TPI1: variants seen among roughly 807,000 people sequenced by gnomAD.
The protein encoded by TPI1 is triosephosphate isomerase.
TPI1 carries 11 observed loss-of-function variants against 31.0 expected under a neutral mutation model. The observed-to-expected ratio is 0.36, with a 90% confidence interval of 0.22 to 0.59. TPI1 has a LOEUF of 0.59. Among genes scored for constraint, TPI1 ranks in the 20% least tolerant of loss-of-function variants. The pLI, the probability that TPI1 is intolerant of heterozygous loss-of-function variation, is 0.79. For missense variants in TPI1, 245 were observed against 319.7 expected (o/e 0.77, Z 1.78); for synonymous variants, 121 against 122.8 (o/e 0.99, Z 0.10).
rs782093302 is a variant in TPI1 at position 6,868,369 on chromosome 12, C to T, written c.116-495C>T. On this transcript the variant is annotated intron_variant, in intron 1 of 6. Coordinates refer to ENST00000396705, the MANE Select transcript of TPI1 (RefSeq NM_000365.6). ...AAGGATGCTCTCCTCCATCCTCCTT[C>T]CTCCCTCCACCGAAATCGGAGAGCC... 19 of 1,288,064 alleles carry T rather than the reference C, an allele frequency of 1.5e-5. No homozygotes were observed. In the African/African-American group the frequency reaches 1.8e-4, roughly 12 times the overall value. The allele number at this position is 1,288,064 out of a possible 1,614,324, so 79.8% of individuals were successfully genotyped here.
Position 6,869,258 on chromosome 12 carries a change from C to CTG in TPI1, c.326_327dup (p.Ile110Ter), listed in dbSNP as rs782707197. ...TCTCACCAAGTCTGTTTCTCAACAG[C>CTG]TGATTGGGCAGAAAGTGGCCCATGC... On this transcript the variant is annotated frameshift_variant and splice_region_variant, in exon 4 of 7. Coordinates refer to ENST00000396705, the MANE Select transcript of TPI1 (RefSeq NM_000365.6). LOFTEE classifies it high-confidence loss of function. 6 of 1,614,096 alleles carry CTG rather than the reference C, an allele frequency of 3.7e-6. No homozygotes were observed. The highest frequency in any genetic ancestry group is 5.1e-6 in the Non-Finnish European group (6 of 1,179,958).
In TPI1 at chr12:6,870,696, C is replaced by A; in HGVS notation, c.*313C>A. 1.7e-6 allele frequency: 1 copy of A among 584,670 alleles called. No homozygotes were observed. Among genetic ancestry groups the A allele is most frequent in the South Asian group, 1.4e-5 (1 of 71,480 alleles). 36.2% of individuals were successfully genotyped at this position (584,670 alleles called of 1,614,324 possible). A position where few individuals can be genotyped will look rare whatever the true frequency, so the allele number is the denominator to read the frequency against. On this transcript the variant is annotated 3_prime_UTR_variant, in exon 7 of 7. Transcript: ENST00000396705. The stretch of plus-strand genomic sequence containing the variant: ...GGCCCTAGTGAGGGCAGAAGAGAAA[C>A]CATCCTCTCCCTTCTTACACCGTGA...
chr12:6,867,812 G>A, intron 1 of TPI1, 131 bp downstream of exon 1: 3 of 1,025,056 alleles, frequency 2.9e-6, no homozygotes, highest in South Asian at 1.9e-5. Flanking sequence ...GCTGTGGGAC[G>A]AGGGCCGCTG....
intron 3 of TPI1, 22 bp from the exon 4 acceptor site, chr12:6,869,236 C>G: frequency 2.5e-6 from 4 of 1,614,126 alleles, no homozygotes; most frequent in Non-Finnish European, 3.4e-6. Flanking sequence ...AAGGATGTCT[C>G]ACCAAGTCTG....
At position 6,869,239 on chromosome 12, in the gene TPI1, C is replaced by T. The variant is rs1461419389; in HGVS notation, c.325-19C>T. 2.5e-6 allele frequency: 4 copies of T among 1,613,968 alleles called. No homozygotes were observed. The highest frequency in any genetic ancestry group is 3.4e-6 in the Non-Finnish European group (4 of 1,179,984). The stretch of plus-strand genomic sequence containing the variant: ...TCTTTTTCCAAGAAGGATGTCTCAC[C>T]AAGTCTGTTTCTCAACAGCTGATTG... On this transcript the variant is annotated intron_variant, in intron 3 of 6. Transcript: ENST00000396705.
At chr12:6,868,087 G>A in intron 1 of TPI1, 1 of 1,237,228 alleles carries the variant, frequency 8.1e-7, no homozygotes, top group Non-Finnish European at 1.0e-6. Flanking sequence ...GTGCGCCGCC[G>A]CACGTAGCCC....
chr12:6,868,321 TAGGTCTC>T, intron 1 of TPI1: 1 of 1,287,608 alleles, frequency 7.8e-7, no homozygotes, highest in Middle Eastern at 3.3e-4. Context: ...CTGAGTCAGT[TAGGTCTC>T]TGCCACCCAC....
In TPI1 at chr12:6,870,439, G is replaced by C. The variant is rs782727122; in HGVS notation, c.*56G>C. 4 of 1,339,456 alleles carry C rather than the reference G, an allele frequency of 3.0e-6. No individual in the cohort carries two copies. In the South Asian group the frequency reaches 4.7e-5, roughly 16 times the overall value. 83.0% of individuals were successfully genotyped at this position (1,339,456 alleles called of 1,614,324 possible). A position where few individuals can be genotyped will look rare whatever the true frequency, so the allele number is the denominator to read the frequency against. On this transcript the variant is annotated 3_prime_UTR_variant, in exon 7 of 7. Transcript: ENST00000396705. ...AAGCCAGGGACTAAGCAGCCCAGAAGCCCAGTAACTGCCCTTTCCCTGCAT... is the reference window on the plus strand; with the variant it reads ...AAGCCAGGGACTAAGCAGCCCAGAACCCCAGTAACTGCCCTTTCCCTGCAT...
chr12:6,869,979 C>A, intron 5 of TPI1, 70 bp from the exon 6 acceptor site: 1 of 1,544,742 alleles, frequency 6.5e-7, no homozygotes, highest in Non-Finnish European at 9.0e-7. Context: ...ACTAAGTGTC[C>A]ACTGGTGCCA....
At position 6,870,035 on chromosome 12, in the gene TPI1, G is replaced by C; in HGVS notation, c.544-14G>C. On this transcript the variant is annotated splice_polypyrimidine_tract_variant and intron_variant, in intron 5 of 6. Transcript: ENST00000396705. The stretch of plus-strand genomic sequence containing the variant: ...GGCAGAAAAGGTCTTACTTAGGCCA[G>C]CTTCTTGTTCTAGGCCCAGGAAGTA... The C allele has an allele frequency of 6.2e-7, 1 of 1,613,012 alleles. No homozygotes were observed. Among genetic ancestry groups the C allele is most frequent in the Non-Finnish European group, 8.5e-7 (1 of 1,178,884 alleles).
intron 4 of TPI1, 119 bp downstream of exon 4, chr12:6,869,509 G>C: frequency 6.5e-7 from 1 of 1,545,336 alleles, no homozygotes; most frequent in Non-Finnish European, 8.9e-7. Context: ...AAAAGGGGAG[G>C]GGGAGTGACA....
At position 6,870,463 on chromosome 12, in the gene TPI1, A is replaced by G; in HGVS notation, c.*80A>G. ...AGCCCAGTAACTGCCCTTTCCCTGC[A>G]TATGCTTCTGATGGTGTCATCTGCT... On this transcript the variant is annotated 3_prime_UTR_variant, in exon 7 of 7. Transcript: ENST00000396705. 4 of 1,061,630 alleles carry G rather than the reference A, an allele frequency of 3.8e-6. No individual in the cohort carries two copies. Among genetic ancestry groups the G allele is most frequent in the African/African-American group, 1.6e-5 (1 of 64,290 alleles). 65.8% of individuals were successfully genotyped at this position (1,061,630 alleles called of 1,614,324 possible).
rs1277809153 is a variant in TPI1, at chr12:6,870,938, CT to C, written c.*556del. 95 of 656,900 alleles carry C rather than the reference CT, an allele frequency of 1.4e-4. No homozygotes were observed. Among genetic ancestry groups the C allele is most frequent in the Non-Finnish European group, 2.5e-4 (91 of 361,474 alleles). The allele number at this position is 656,900 out of a possible 1,614,324, so 40.7% of individuals were successfully genotyped here. The stretch of plus-strand genomic sequence containing the variant: ...AAAAAAAAAAAACAAGAACAGGTTT[CT>C]ATAACAACATCTCTTACTATTTTTA... On this transcript the variant is annotated 3_prime_UTR_variant, in exon 7 of 7. Coordinates refer to ENST00000396705, the MANE Select transcript of TPI1 (RefSeq NM_000365.6).
chr12:6,869,842 A>G lies in TPI1; in HGVS notation c.543+69A>G, dbSNP rs2071068. On this transcript the variant is annotated intron_variant, in intron 5 of 6. Coordinates refer to ENST00000396705, the MANE Select transcript of TPI1 (RefSeq NM_000365.6). ...ATAGGTTTGGACAGACACAGCCCAC[A>G]TGGGGCAACCCCTTATTTCAAAGAC... is the stretch of plus-strand genomic sequence containing the variant. 11,402 of 1,556,772 alleles carry G rather than the reference A, an allele frequency of 7.3e-3. 1,162 individuals carry two copies. In the East Asian group the frequency reaches 0.22, roughly 30 times the overall value.
In TPI1 at chr12:6,868,160, G is replaced by GT. The variant is rs1555131795; in HGVS notation, c.115+479_115+480insT. The stretch of plus-strand genomic sequence containing the variant: ...GCGCCGAGCTGCTCGGGCTCCCTGA[G>GT]CCCCAGATCTGACCCCTTCCCTTCG... On this transcript the variant is annotated intron_variant, in intron 1 of 6. Transcript: ENST00000396705. 3.1e-6 allele frequency: 4 copies of GT among 1,282,978 alleles called. No homozygotes were observed. In the South Asian group the frequency reaches 3.7e-5, roughly 12 times the overall value. 79.5% of individuals were successfully genotyped at this position (1,282,978 alleles called of 1,614,324 possible). A position where few individuals can be genotyped will look rare whatever the true frequency, so the allele number is the denominator to read the frequency against.
upstream of TPI1, chr12:6,867,428 G>A: frequency 1.4e-6 from 2 of 1,465,362 alleles, no homozygotes; most frequent in South Asian, 2.8e-5. Context: ...GCGGGCGGGG[G>A]GCAGGGCTCC....
At chr12:6,867,527 G>A (rs1442155961), upstream of TPI1, 2 of 1,601,350 alleles carry the variant, frequency 1.2e-6, no homozygotes, top group Non-Finnish European at 1.7e-6. Flanking sequence ...GGCCGCGACT[G>A]CGCGCAGACA....
chr12:6,870,286 G>T lies in TPI1; in HGVS notation c.653G>T (p.Cys218Phe), dbSNP rs987617179. 6 of 1,614,026 alleles carry T rather than the reference G, an allele frequency of 3.7e-6. No individual in the cohort carries two copies. The highest frequency in any genetic ancestry group is 5.1e-6 in the Non-Finnish European group (6 of 1,180,016). Residue 218 changes from cysteine (C) to phenylalanine (F), a missense_variant, in exon 7 of 7, where the codon TGC (cysteine) becomes TTC (phenylalanine). This residue lies in a region of TPI1 where 127 missense variants were observed against 163.7 expected (regional missense o/e 0.78). Coordinates refer to ENST00000396705, the MANE Select transcript of TPI1 (RefSeq NM_000365.6). ...IYGGSVTGAT[C>F]KELASQPDVD... ...CCAGGCTCTGTGACTGGGGCAACCTGCAAGGAGCTGGCCAGCCAGCCTGAT... is the reference window on the plus strand; with the variant it reads ...CCAGGCTCTGTGACTGGGGCAACCTTCAAGGAGCTGGCCAGCCAGCCTGAT...
upstream of TPI1, chr12:6,867,502 A>C (rs1386262216): frequency 3.8e-6 from 6 of 1,575,250 alleles, no homozygotes; most frequent in African/African-American, 1.4e-5. Flanking sequence ...GCGGCGCTCT[A>C]TATAAGTGGG....
Sources: gnomAD v4.1 joint callset for allele counts on GRCh38, gnomAD v4.1.1 for gene constraint, gnomAD v4.1.1 regional missense constraint, MANE v1.5 for transcripts, NCBI Gene and HGNC (gene_info 2026-07-23, HGNC 2026-07-21) for gene names.